The following RAPGEF5 variants were observed in gnomAD, a reference collection of about 807,000 sequenced individuals.
RAPGEF5 encodes M-Ras-regulated GEF.
Under a neutral mutation model 125.2 loss-of-function variants are expected in RAPGEF5, and 65 were observed. The observed-to-expected ratio is 0.52, with a 90% CI of 0.43 to 0.64. The LOEUF (loss-of-function observed/expected upper bound fraction) is 0.64, where lower values mean the gene tolerates loss of function less well. Ranked by LOEUF, RAPGEF5 falls within the 30% of genes least tolerant of loss-of-function variation. The pLI, the probability that RAPGEF5 is intolerant of heterozygous loss-of-function variation, is 0.00. For missense variants in RAPGEF5, 958 were observed against 1,048.1 expected (o/e 0.91, Z 1.19); for synonymous variants, 391 against 385.9 (o/e 1.01, Z -0.16).
At chr7:22,330,024 C>T (rs2128157467) in intron 1 of RAPGEF5, among the ~76,000 whole-genome samples, 2 of 152,230 alleles carry the variant, frequency 1.3e-5, no homozygotes, top group South Asian at 4.1e-4. Context: ...AGCTATAAAA[C>T]AATATATAAA....
At chr7:22,263,282 G>A (rs540959515) in intron 7 of RAPGEF5, among the ~76,000 whole-genome samples, 14 of 152,230 alleles carry the variant, frequency 9.2e-5, no homozygotes, top group African/African-American at 3.4e-4. Context: ...TATCATTGGG[G>A]TAATTTGCAT....
At chr7:22,307,815 G>T (rs1783377462) in intron 5 of RAPGEF5, among the ~76,000 whole-genome samples, 1 of 152,168 alleles carries the variant, frequency 6.6e-6, no homozygotes, top group African/African-American at 2.4e-5. Context: ...ACAAAGTCAT[G>T]TCAGAATCAC....
chr7:22,197,440 A>G (rs2128127202), intron 9 of RAPGEF5, among the ~76,000 whole-genome samples: 1 of 152,328 alleles, frequency 6.6e-6, no homozygotes, highest in East Asian at 1.9e-4. Context: ...GTCTGTGAAC[A>G]CATTAACTGA....
chr7:22,124,163 T>A (rs916511907), intron 25 of RAPGEF5, among the ~76,000 whole-genome samples: 1 of 152,206 alleles, frequency 6.6e-6, no homozygotes, highest in African/African-American at 2.4e-5. Context: ...TTAGTATAAC[T>A]ATCACCTTCC....
chr7:22,213,872 T>C (rs184648817), intron 9 of RAPGEF5, among the ~76,000 whole-genome samples: 14 of 152,340 alleles, frequency 9.2e-5, no homozygotes, highest in African/African-American at 3.4e-4. Flanking sequence ...ACTACTCACC[T>C]AGATGTACAA....
chr7:22,254,328 G>C (rs2128138945), intron 7 of RAPGEF5, among the ~76,000 whole-genome samples: 1 of 151,968 alleles, frequency 6.6e-6, no homozygotes, highest in Non-Finnish European at 1.5e-5. Context: ...AAAAAAAAAG[G>C]CCGGGCATGG....
chr7:22,149,351 T>C (rs1783545334), intron 18 of RAPGEF5, among the ~76,000 whole-genome samples: 1 of 152,242 alleles, frequency 6.6e-6, no homozygotes, highest in Non-Finnish European at 1.5e-5. Flanking sequence ...CAATTATACA[T>C]ACAACAGGAG....
At chr7:22,193,560 C>G in intron 10 of RAPGEF5, 105 bp from the exon 11 acceptor site, 1 of 1,551,742 alleles carries the variant, frequency 6.4e-7, no homozygotes, top group Non-Finnish European at 8.7e-7. Flanking sequence ...TGAAATAAGG[C>G]ACATCGAAGG....
chr7:22,312,735 C>T (rs938272684), intron 3 of RAPGEF5, among the ~76,000 whole-genome samples: 15 of 152,232 alleles, frequency 9.9e-5, no homozygotes, highest in Non-Finnish European at 1.2e-4. Flanking sequence ...CTATTTCCCC[C>T]ACTGACTTTA....
At chr7:22,283,812 A>G (rs1332261515) in intron 6 of RAPGEF5, among the ~76,000 whole-genome samples, 1 of 152,152 alleles carries the variant, frequency 6.6e-6, no homozygotes. Context: ...CTCTTTCCCT[A>G]TTCCTAAGAG....
At chr7:22,208,018 CT>C (rs1383483598) in intron 9 of RAPGEF5, among the ~76,000 whole-genome samples, 1 of 152,196 alleles carries the variant, frequency 6.6e-6, no homozygotes, top group African/African-American at 2.4e-5. Flanking sequence ...CTGGCCCTCT[CT>C]TCTGTGTGTT....
intron 24 of RAPGEF5, among the ~76,000 whole-genome samples, chr7:22,125,971 A>T (rs1187678674): frequency 6.6e-6 from 1 of 152,168 alleles, no homozygotes; most frequent in Non-Finnish European, 1.5e-5. Context: ...AATATGGCGA[A>T]ACCCCATCTC....
intron 14 of RAPGEF5, 86 bp from the exon 15 acceptor site, chr7:22,157,971 C>G (rs936851216): frequency 5.5e-6 from 7 of 1,276,128 alleles, no homozygotes; most frequent in Non-Finnish European, 7.9e-6. Context: ...TTTTCCAGCA[C>G]TAGGCAGAGG....
chr7:22,228,674 ATTT>A (rs11291130), intron 8 of RAPGEF5, among the ~76,000 whole-genome samples: 53 of 144,194 alleles, frequency 3.7e-4, no homozygotes, highest in Admixed American at 6.9e-4. Context: ...CGCCCAGCTA[ATTT>A]TTTTTTTTTT....
chr7:22,160,881 A>T (rs1783967606), intron 13 of RAPGEF5, among the ~76,000 whole-genome samples: 1 of 152,098 alleles, frequency 6.6e-6, no homozygotes, highest in African/African-American at 2.4e-5. Flanking sequence ...GCTACTAGAG[A>T]TTTCCAGCCC....
intron 6 of RAPGEF5, among the ~76,000 whole-genome samples, chr7:22,272,435 A>G (rs543540488): frequency 6.6e-6 from 1 of 151,862 alleles, no homozygotes; most frequent in Non-Finnish European, 1.5e-5. Context: ...CAAAGGTCTT[A>G]GTTACCAAAG....
intron 6 of RAPGEF5, among the ~76,000 whole-genome samples, chr7:22,290,425 T>C (rs1782902390): frequency 6.6e-6 from 1 of 152,180 alleles, no homozygotes; most frequent in Non-Finnish European, 1.5e-5. Context: ...TTCAACCAAT[T>C]ACAAAGTCTA....
intron 1 of RAPGEF5, among the ~76,000 whole-genome samples, chr7:22,327,992 T>C (rs529927753): frequency 2.0e-5 from 3 of 152,342 alleles, no homozygotes; most frequent in Non-Finnish European, 2.9e-5. Flanking sequence ...CCTATTGTTA[T>C]TGTTGAGCAC....
intron 1 of RAPGEF5, among the ~76,000 whole-genome samples, chr7:22,337,861 T>G (rs758290095): frequency 6.6e-6 from 1 of 152,244 alleles, no homozygotes; most frequent in Non-Finnish European, 1.5e-5. Context: ...TTTGCAATGT[T>G]AACACACCAC....
Sources: allele counts gnomAD v4.1 joint callset (sites outside exome capture counted in the v4.1 genomes callset), GRCh38; gene constraint gnomAD v4.1.1; transcripts MANE v1.5; gene names NCBI Gene and HGNC (gene_info 2026-07-23, HGNC 2026-07-21).